The following BCAS3 variants were observed in gnomAD, a reference collection of about 807,000 sequenced individuals.
The protein encoded by BCAS3 is BCAS3 microtubule associated cell migration factor, also known as BCAS4/BCAS3 fusion.
A neutral mutation model predicts 116.1 loss-of-function variants in BCAS3; 53 were observed. The ratio of observed to expected loss-of-function variants is 0.46; its 90% CI spans 0.37 to 0.57. The LOEUF (loss-of-function observed/expected upper bound fraction) is 0.57, where lower values mean the gene tolerates loss of function less well. Among genes scored for constraint, BCAS3 ranks in the 20% least tolerant of loss-of-function variants. The pLI, the probability that BCAS3 is intolerant of heterozygous loss-of-function variation, is 0.00. For synonymous variants in BCAS3, 391 were observed against 408.2 expected, an observed-to-expected ratio of 0.96 and a Z score of 0.51; for missense variants, 917 against 1,165.4, an observed-to-expected ratio of 0.79 and a Z score of 3.10.
chr17:61,110,491 T>C (rs1221777306), intron 22 of BCAS3, among the ~76,000 whole-genome samples: 5 of 152,210 alleles, frequency 3.3e-5, no homozygotes, highest in African/African-American at 1.2e-4. Flanking sequence ...CGGACGCACC[T>C]GGATAATTGG....
chr17:60,767,178 C>T (rs558421111), intron 6 of BCAS3, among the ~76,000 whole-genome samples: 26 of 152,266 alleles, frequency 1.7e-4, no homozygotes, highest in African/African-American at 4.3e-4. Context: ...CACCCTGCTT[C>T]GGCTCGCCCT....
At chr17:60,682,551 C>G (rs939777413) in intron 2 of BCAS3, among the ~76,000 whole-genome samples, 1 of 151,950 alleles carries the variant, frequency 6.6e-6, no homozygotes, top group Non-Finnish European at 1.5e-5. Context: ...GAGACAGAGT[C>G]TTGCTTTTTT....
chr17:61,009,021 T>C (rs1271452829), intron 15 of BCAS3, among the ~76,000 whole-genome samples: 1 of 151,926 alleles, frequency 6.6e-6, no homozygotes, highest in Non-Finnish European at 1.5e-5. Flanking sequence ...TGTAGATAAG[T>C]GTATGGAGAG....
rs564393122 is a variant in BCAS3, at chr17:61,309,396, G to T, written c.2426-58931G>T. Among the ~76,000 whole-genome samples, 1 of 152,004 alleles carries T rather than the reference G, an allele frequency of 6.6e-6. No homozygotes were observed. The highest frequency in any genetic ancestry group is 1.5e-5 in the Non-Finnish European group (1 of 67,994). Reference sequence around the variant, plus strand: ...GCATGCCTGAGTACTGAACACTACCGTGTCACTCCCCATGTTGCCATTCTG... The same window carrying T: ...GCATGCCTGAGTACTGAACACTACCTTGTCACTCCCCATGTTGCCATTCTG... On this transcript the variant is annotated intron_variant, in intron 22 of 23. Transcript: ENST00000407086. The surrounding 1 kb of genome is among the most constrained non-coding windows in gnomAD (Gnocchi z 4.6).
rs1247613018 is a variant in BCAS3, at chr17:60,956,696, T to C, written c.1221+9344T>C. Among the ~76,000 whole-genome samples the C allele has an allele frequency of 6.6e-6, 1 of 152,126 alleles. No homozygotes were observed. Among genetic ancestry groups the C allele is most frequent in the African/African-American group, 2.4e-5 (1 of 41,426 alleles). On this transcript the variant is annotated intron_variant, in intron 14 of 23. Transcript: ENST00000407086. The surrounding 1 kb of genome is among the most constrained non-coding windows in gnomAD (Gnocchi z 4.2). ...CTACTTAACAGGTAGGAAAGTCAAA[T>C]AGAAATTATTTAAATGATTATGCTC... is the stretch of plus-strand genomic sequence containing the variant.
At chr17:60,817,886 A>T (rs1293727614) in intron 7 of BCAS3, among the ~76,000 whole-genome samples, 1 of 148,448 alleles carries the variant, frequency 6.7e-6, no homozygotes, top group Non-Finnish European at 1.5e-5. Flanking sequence ...GCAGAGTCTC[A>T]CTCTGTCACC....
At chr17:61,127,060 A>C (rs191646146) in intron 22 of BCAS3, among the ~76,000 whole-genome samples, 1 of 152,270 alleles carries the variant, frequency 6.6e-6, no homozygotes, top group African/African-American at 2.4e-5. Flanking sequence ...GAGAAAAAAA[A>C]GGATACATCT....
At position 60,811,350 on chromosome 17, in the gene BCAS3, A is replaced by C. The variant is rs369287289; in HGVS notation, c.476+3274A>C. ...GATGGTGAGGACTTCAGTCTTGGTG[A>C]TACCCCAGACAGCAGCAACTCCAGG... On this transcript the variant is annotated intron_variant, in intron 7 of 23. Transcript: ENST00000407086. 2.9e-4 allele frequency: 193 copies of C among 655,452 alleles called. No individual in the cohort carries two copies. In the African/African-American group the frequency reaches 3.1e-3, roughly 10 times the overall value. The allele number at this position is 655,452 out of a possible 1,614,324, so 40.6% of individuals were successfully genotyped here.
chr17:60,737,734 A>G (rs575620122), intron 5 of BCAS3, among the ~76,000 whole-genome samples: 40 of 151,772 alleles, frequency 2.6e-4, no homozygotes, highest in Non-Finnish European at 4.6e-4. Flanking sequence ...CTACTTTAAT[A>G]ATTCTATTGT....
intron 22 of BCAS3, among the ~76,000 whole-genome samples, chr17:61,304,561 G>A (rs1324866251): frequency 1.3e-5 from 2 of 152,044 alleles, no homozygotes; most frequent in Admixed American, 6.6e-5. Context: ...GGGAAGCCTC[G>A]TCTAACCTTA....
In BCAS3 at chr17:61,239,107, A is replaced by T. The variant is rs932315631; in HGVS notation, c.2426-129220A>T. Among the ~76,000 whole-genome samples the T allele has an allele frequency of 6.6e-6, 1 of 152,208 alleles. No homozygotes were observed. Among genetic ancestry groups the T allele is most frequent in the Non-Finnish European group, 1.5e-5 (1 of 68,042 alleles). The stretch of plus-strand genomic sequence containing the variant: ...AGGTGTGCCAGGTAGGTTGGCATTC[A>T]CAGTTCTCAGGAGACAATCAGGTAC... On this transcript the variant is annotated intron_variant, in intron 22 of 23. Coordinates refer to ENST00000407086, the MANE Select transcript of BCAS3 (RefSeq NM_017679.5). The surrounding 1 kb of genome is among the most constrained non-coding windows in gnomAD (Gnocchi z 4.2).
chr17:61,030,677 C>A (rs553570189), intron 16 of BCAS3, among the ~76,000 whole-genome samples: 27 of 151,984 alleles, frequency 1.8e-4, no homozygotes, highest in South Asian at 8.3e-4. Context: ...TTTGGTTATT[C>A]GGTTTTTTTG....
chr17:61,044,465 A>AAAAAAAAATATATATATATAT, intron 19 of BCAS3, among the ~76,000 whole-genome samples: 1 of 120,116 alleles, frequency 8.3e-6, no homozygotes, highest in African/African-American at 5.0e-5. Context: ...AAAAAAAAAA[A>AAAAAAAAATATATATATATAT]ATATATATAT....
chr17:61,035,631 G>A (rs1373097907), intron 17 of BCAS3, among the ~76,000 whole-genome samples: 2 of 149,242 alleles, frequency 1.3e-5, no homozygotes, highest in Admixed American at 6.7e-5. Context: ...TGAGAAATAA[G>A]GCTCAGCTTT....
At chr17:60,754,187 G>A (rs777135470) in intron 6 of BCAS3, among the ~76,000 whole-genome samples, 4 of 151,396 alleles carry the variant, frequency 2.6e-5, no homozygotes, top group Admixed American at 1.3e-4. Flanking sequence ...AGTGTGAGCC[G>A]CCATACCTGA....
intron 6 of BCAS3, among the ~76,000 whole-genome samples, chr17:60,752,234 T>C (rs2042544229): frequency 6.6e-6 from 1 of 152,064 alleles, no homozygotes; most frequent in South Asian, 2.1e-4. Flanking sequence ...TTGTTTTATT[T>C]CAGAACTTAG....
In BCAS3 at chr17:61,224,696, C is replaced by T. The variant is rs1009123089; in HGVS notation, c.2425+140132C>T. On this transcript the variant is annotated intron_variant, in intron 22 of 23. Transcript: ENST00000407086. This position sits in a 1 kb window ranked among gnomAD's most constrained non-coding sequence, Gnocchi z 5.7. ...CCTCATCATCTCTCTACTTCAGTTT[C>T]TTGGTCCGTGAAAACTAACAGGTGA... 6.6e-6 allele frequency among the ~76,000 whole-genome samples: 1 copy of T among 152,214 alleles called. No individual in the cohort carries two copies. Among genetic ancestry groups the T allele is most frequent in the Non-Finnish European group, 1.5e-5 (1 of 68,028 alleles).
chr17:60,700,366 G>C (rs931656405), intron 4 of BCAS3, among the ~76,000 whole-genome samples: 1 of 152,154 alleles, frequency 6.6e-6, no homozygotes, highest in Non-Finnish European at 1.5e-5. Flanking sequence ...GAGGAAGAAA[G>C]TGGTTCCTGG....
chr17:60,996,674 A>C (rs1353503974), intron 15 of BCAS3, among the ~76,000 whole-genome samples: 1 of 152,096 alleles, frequency 6.6e-6, no homozygotes, highest in Non-Finnish European at 1.5e-5. Context: ...TGTAGGGATA[A>C]ATGTTTGCAA....
Sources: allele counts gnomAD v4.1 joint callset (sites outside exome capture counted in the v4.1 genomes callset), GRCh38; gene constraint gnomAD v4.1.1; non-coding constraint Gnocchi (gnomAD v3.1); transcripts MANE v1.5; gene names NCBI Gene and HGNC (gene_info 2026-07-23, HGNC 2026-07-21).